MRC1: variants seen among roughly 807,000 people sequenced by gnomAD.
MRC1 encodes the protein mannose receptor C-type 1.
A neutral mutation model predicts 102.9 loss-of-function variants in MRC1; 62 were observed. The ratio of observed to expected loss-of-function variants is 0.60; its 90% CI spans 0.49 to 0.74. MRC1 has a LOEUF of 0.74. Ranked by LOEUF, MRC1 falls within the 30% of genes least tolerant of loss-of-function variation. MRC1 has a pLI of 0.00. For missense variants in MRC1, 1,237 were observed against 862.8 expected, an observed-to-expected ratio of 1.43 and a Z score of -5.43; for synonymous variants, 457 against 298.4, an observed-to-expected ratio of 1.53 and a Z score of -5.48.
chr10:17,861,883 G>A (rs1379857317), intron 10 of MRC1, among the ~76,000 whole-genome samples: 5 of 152,162 alleles, frequency 3.3e-5, no homozygotes, highest in African/African-American at 1.2e-4. Flanking sequence ...AGGCAAAGAA[G>A]TTTACTGAAT....
At chr10:17,858,209 T>C (rs1833123898) in intron 9 of MRC1, among the ~76,000 whole-genome samples, 2 of 152,148 alleles carry the variant, frequency 1.3e-5, no homozygotes, top group African/African-American at 4.8e-5. Flanking sequence ...GAATTCTGGA[T>C]TGATGGTTGT....
chr10:17,875,700 A>G (rs996532951), intron 17 of MRC1, among the ~76,000 whole-genome samples: 2 of 152,148 alleles, frequency 1.3e-5, no homozygotes, highest in East Asian at 1.9e-4. Context: ...TATGTTTGCA[A>G]TTGCAAATTG....
At chr10:17,820,836 A>T (rs1232347655) in intron 1 of MRC1, among the ~76,000 whole-genome samples, 1 of 152,246 alleles carries the variant, frequency 6.6e-6, no homozygotes, top group Non-Finnish European at 1.5e-5. Flanking sequence ...CATAAAGTAA[A>T]TGATCATAGT....
intron 22 of MRC1, among the ~76,000 whole-genome samples, chr10:17,886,014 A>G (rs947893306): frequency 2.6e-5 from 4 of 152,186 alleles, no homozygotes; most frequent in African/African-American, 9.6e-5. Context: ...AAAAAGTGTG[A>G]AGAAATAGAA....
At chr10:17,889,455 G>A (rs1050575651) in intron 22 of MRC1, among the ~76,000 whole-genome samples, 4 of 151,754 alleles carry the variant, frequency 2.6e-5, no homozygotes, top group South Asian at 2.1e-4. Context: ...AAATAAAGGC[G>A]GGGTCTTTCT....
chr10:17,894,540 C>G (rs1391165660), intron 23 of MRC1, among the ~76,000 whole-genome samples: 1 of 151,544 alleles, frequency 6.6e-6, no homozygotes, highest in Non-Finnish European at 1.5e-5. Context: ...GCTGGGATTA[C>G]AGGCACACAC....
chr10:17,822,375 G>A (rs1438362746), intron 1 of MRC1, among the ~76,000 whole-genome samples: 1 of 152,168 alleles, frequency 6.6e-6, no homozygotes, highest in African/African-American at 2.4e-5. Context: ...TGTAATCCTA[G>A]TACTTTGAGA....
chr10:17,816,658 G>A (rs1838317900), intron 1 of MRC1, among the ~76,000 whole-genome samples: 1 of 152,222 alleles, frequency 6.6e-6, no homozygotes, highest in African/African-American at 2.4e-5. Flanking sequence ...GGGCCTGCAT[G>A]CACCTAAACA....
intron 7 of MRC1, 96 bp from the exon 8 acceptor site, chr10:17,852,871 C>A: frequency 1.3e-6 from 1 of 777,124 alleles, no homozygotes; most frequent in South Asian, 1.4e-5. Flanking sequence ...GGAGGTAGAG[C>A]CCTGTTGATA....
Position 17,827,411 on chromosome 10 carries a change from GA to G in MRC1, c.464-128del. 1.3e-5 allele frequency: 2 copies of G among 157,588 alleles called. 1 individual carries two copies. Among genetic ancestry groups the G allele is most frequent in the Non-Finnish European group, 2.4e-5 (2 of 82,426 alleles). 9.8% of individuals were successfully genotyped at this position (157,588 alleles called of 1,614,324 possible). On this transcript the variant is annotated intron_variant, in intron 2 of 29. Coordinates refer to ENST00000569591, the MANE Select transcript of MRC1 (RefSeq NM_002438.4). ...AAAAAAAAAAAAAAAAAAAAAAAAA[GA>G]AATCCCTCTGTGGGTGCATCAAGTG...
In MRC1 at chr10:17,875,238, G is replaced by A. The variant is rs1057184671; in HGVS notation, c.2535G>A (p.Lys845=). Residue 845 remains lysine (K), a synonymous_variant, in exon 17 of 30, where the codon AAG becomes AAA. Transcript: ENST00000569591. The part of the protein sequence containing the change: ...LVSIQSESEK[K]FLWKYVNRND... ...CTATTCAAAGTGAAAGTGAAAAGAA[G>A]TTTCTATGGAAATATGTAAGGACAT... 3.5e-5 allele frequency: 27 copies of A among 780,730 alleles called. No homozygotes were observed. Among genetic ancestry groups the A allele is most frequent in the South Asian group, 1.2e-4 (9 of 74,600 alleles). 48.4% of individuals were successfully genotyped at this position (780,730 alleles called of 1,614,324 possible).
chr10:17,896,673 G>T (rs1833759431), intron 23 of MRC1, among the ~76,000 whole-genome samples: 1 of 152,188 alleles, frequency 6.6e-6, no homozygotes, highest in South Asian at 2.1e-4. Context: ...TCTCATGCCT[G>T]TAATTCTAGC....
chr10:17,891,315 C>T (rs1192072621), intron 22 of MRC1, among the ~76,000 whole-genome samples: 2 of 151,710 alleles, frequency 1.3e-5, no homozygotes, highest in African/African-American at 4.8e-5. Context: ...TACAGGCGCC[C>T]GCCACCACTC....
chr10:17,810,985 G>A (rs1359667412), intron 1 of MRC1, among the ~76,000 whole-genome samples: 4 of 152,056 alleles, frequency 2.6e-5, no homozygotes, highest in Non-Finnish European at 5.9e-5. Context: ...TAGAGACAAC[G>A]TTTCACCATG....
chr10:17,827,716 G>A lies in MRC1; in HGVS notation c.637+1G>A. 1 of 780,848 alleles carries A rather than the reference G, an allele frequency of 1.3e-6. No individual in the cohort carries two copies. The highest frequency in any genetic ancestry group is 1.3e-5 in the South Asian group (1 of 74,606). 48.4% of individuals were successfully genotyped at this position (780,848 alleles called of 1,614,324 possible). ...CTATTTGGATATTGTCCATTGAAAT[G>A]TAAGTACTGTTTATCACCAAGAAAA... On this transcript the variant is annotated splice_donor_variant, in intron 3 of 29. Transcript: ENST00000569591. LOFTEE classifies it high-confidence loss of function.
intron 1 of MRC1, among the ~76,000 whole-genome samples, chr10:17,810,294 T>C (rs1311716931): frequency 6.6e-6 from 1 of 152,194 alleles, no homozygotes; most frequent in Non-Finnish European, 1.5e-5. Flanking sequence ...CTGGTTCTAT[T>C]TGGAGATGAT....
rs1554843340 is a variant in MRC1, at chr10:17,894,406, T to TTTTTTTTTTTC, written c.3250+104_3250+105insCTTTTTTTTTT. ...TCTTTCTTTCTTTCTTTTTTTTTTT[T>TTTTTTTTTTTC]TTTTTTTTTTTGAGGCAGAGTCTCG... On this transcript the variant is annotated intron_variant, in intron 23 of 29. Transcript: ENST00000569591. The TTTTTTTTTTTC allele has an allele frequency of 2.6e-3, 1,816 of 688,248 alleles. 1 individual carries two copies. Among genetic ancestry groups the TTTTTTTTTTTC allele is most frequent in the Non-Finnish European group, 3.0e-3 (1,167 of 393,036 alleles). The allele number at this position is 688,248 out of a possible 1,614,324, so 42.6% of individuals were successfully genotyped here. A position where few individuals can be genotyped will look rare whatever the true frequency, so the allele number is the denominator to read the frequency against.
intron 25 of MRC1, 69 bp from the exon 26 acceptor site, chr10:17,901,904 T>G (rs2130718903): frequency 2.6e-6 from 2 of 780,290 alleles, no homozygotes; most frequent in Admixed American, 3.4e-5. Flanking sequence ...TTGTAGCTGC[T>G]AATGTATGAT....
chr10:17,851,372 A>G (rs1554840547), intron 7 of MRC1, among the ~76,000 whole-genome samples: 140,282 of 151,952 alleles, frequency 0.92, 64,842 homozygotes, highest in East Asian at 1. Flanking sequence ...CTAAACAAAA[A>G]CCTAGAAATT....
Sources: gnomAD v4.1 joint callset for allele counts (sites outside exome capture counted in the v4.1 genomes callset) on GRCh38, gnomAD v4.1.1 for gene constraint, MANE v1.5 for transcripts, NCBI Gene and HGNC (gene_info 2026-07-23, HGNC 2026-07-21) for gene names.